Variants in NTAQ1 observed in about 807,000 individuals in gnomAD.
NTAQ1 encodes the protein protein N-terminal glutamine amidohydrolase.
Under a neutral mutation model 28.2 loss-of-function variants are expected in NTAQ1, and 21 were observed. The ratio of observed to expected loss-of-function variants is 0.74; its 90% CI spans 0.53 to 1.07. The LOEUF (loss-of-function observed/expected upper bound fraction) is 1.07, where lower values mean the gene tolerates loss of function less well. NTAQ1 is among the 50% of genes least tolerant of loss of function. The pLI, the probability that NTAQ1 is intolerant of heterozygous loss-of-function variation, is 0.00. For missense variants in NTAQ1, 264 were observed against 256.6 expected (o/e 1.03, Z -0.20); for synonymous variants, 105 against 90.0 (o/e 1.17, Z -0.94).
chr8:123,444,144 C>CTTAATATTCAACA (rs1815182787), downstream of NTAQ1, among the ~76,000 whole-genome samples: 1 of 150,800 alleles, frequency 6.6e-6, no homozygotes, highest in Admixed American at 6.6e-5. Flanking sequence ...AGAAGATTTT[C>CTTAATATTCAACA]TGTATGGAAA....
At chr8:123,439,985 A>G (rs924821359) in intron 5 of NTAQ1, among the ~76,000 whole-genome samples, 1 of 151,524 alleles carries the variant, frequency 6.6e-6, no homozygotes, top group Non-Finnish European at 1.5e-5. Context: ...AAATTAATGC[A>G]TGTTTTAGAT....
chr8:123,465,670 C>T (rs1375355526), intron 6 of NTAQ1, among the ~76,000 whole-genome samples: 1 of 145,476 alleles, frequency 6.9e-6, no homozygotes, highest in African/African-American at 2.5e-5. Context: ...CAAACTTTGC[C>T]TCCTGGGTTC....
At chr8:123,419,003 G>A (rs1051663124) in intron 1 of NTAQ1, among the ~76,000 whole-genome samples, 1 of 151,722 alleles carries the variant, frequency 6.6e-6, no homozygotes, top group African/African-American at 2.4e-5. Flanking sequence ...ATCGCCTCTT[G>A]CTGAGAACCA....
intron 6 of NTAQ1, among the ~76,000 whole-genome samples, chr8:123,460,670 C>A (rs937457837): frequency 6.6e-6 from 1 of 152,106 alleles, no homozygotes; most frequent in African/African-American, 2.4e-5. Context: ...AGAAGACCAG[C>A]GTTTTGCAGT....
At chr8:123,436,371 T>G in intron 3 of NTAQ1, 82 bp from the exon 4 acceptor site, 1 of 1,401,400 alleles carries the variant, frequency 7.1e-7, no homozygotes, top group Non-Finnish European at 9.9e-7. Flanking sequence ...TATATCCTTT[T>G]TAGTGATAAG....
intron 2 of NTAQ1, among the ~76,000 whole-genome samples, chr8:123,428,584 T>TTG (rs1554652020): frequency 9.9e-5 from 15 of 151,748 alleles, no homozygotes; most frequent in South Asian, 2.1e-4. Context: ...ACCTGTTTTT[T>TTG]TTTGTTTGTT....
exon 7 of NTAQ1, among the ~76,000 whole-genome samples, chr8:123,468,401 A>G (rs998921077): frequency 6.6e-6 from 1 of 152,158 alleles, no homozygotes; most frequent in African/African-American, 2.4e-5. Context: ...ACTAACTGCC[A>G]TTCTACTTTC....
At chr8:123,444,698 AC>A (rs1300952145), downstream of NTAQ1, among the ~76,000 whole-genome samples, 4 of 152,172 alleles carry the variant, frequency 2.6e-5, no homozygotes, top group African/African-American at 9.6e-5. Flanking sequence ...TTTAGTGGAG[AC>A]GGGGTTTCAC....
At chr8:123,462,148 C>T (rs777061457) in intron 6 of NTAQ1, among the ~76,000 whole-genome samples, 2 of 152,000 alleles carry the variant, frequency 1.3e-5, no homozygotes, top group African/African-American at 4.8e-5. Flanking sequence ...CAGGTTCAAG[C>T]GATTCTCATG....
chr8:123,442,367 AG>A (rs1406271405), downstream of NTAQ1: 1 of 152,066 alleles, frequency 6.6e-6, no homozygotes, highest in Non-Finnish European at 1.5e-5. Context: ...TGGGAGTCCT[AG>A]GTGGGCGGAT....
At position 123,462,721 on chromosome 8, in the gene NTAQ1, G is replaced by GT. The variant is rs1586971815; in HGVS notation, c.373-4355dup. Among the ~76,000 whole-genome samples, 5 of 152,244 alleles carry GT rather than the reference G, an allele frequency of 3.3e-5. No homozygotes were observed. The East Asian group carries it at 9.7e-4, about 29-fold the overall frequency. ...TGGCCAAAGTGGGATTCATTTGACT[G>GT]TTTGACTCCAGAGCTCATGCATTCA... On this transcript the variant is annotated intron_variant, in intron 6 of 6. Transcript: ENST00000650311.
intron 1 of NTAQ1, among the ~76,000 whole-genome samples, chr8:123,423,316 T>TCC (rs985148110): frequency 7.3e-6 from 1 of 137,800 alleles, no homozygotes; most frequent in Non-Finnish European, 1.7e-5. Context: ...TCTTCTCTTC[T>TCC]TTTTTCTTTC....
chr8:123,423,206 C>T (rs1295234794), intron 1 of NTAQ1, among the ~76,000 whole-genome samples: 1 of 149,612 alleles, frequency 6.7e-6, no homozygotes, highest in Non-Finnish European at 1.5e-5. Context: ...TCCTTCCTTT[C>T]CCTCCCTCCC....
intron 6 of NTAQ1, among the ~76,000 whole-genome samples, chr8:123,454,716 C>A (rs1258373247): frequency 6.6e-6 from 1 of 152,120 alleles, no homozygotes; most frequent in Non-Finnish European, 1.5e-5. Context: ...GACAGAACCC[C>A]AGTGTCACCA....
chr8:123,431,336 T>G (rs1035402659), intron 3 of NTAQ1, among the ~76,000 whole-genome samples: 12 of 15,836 alleles, frequency 7.6e-4, no homozygotes, highest in African/African-American at 2.6e-3. Flanking sequence ...AAACTCCATA[T>G]CAAAAAAAAA....
intron 1 of NTAQ1, among the ~76,000 whole-genome samples, chr8:123,422,480 T>C (rs1813760972): frequency 6.6e-6 from 1 of 152,074 alleles, no homozygotes; most frequent in African/African-American, 2.4e-5. Context: ...TCTCTCTATG[T>C]TGCCCAGGCT....
At chr8:123,423,270 GTCTC>G (rs139195259) in intron 1 of NTAQ1, among the ~76,000 whole-genome samples, 1,449 of 117,504 alleles carry the variant, frequency 0.012, 19 homozygotes, top group African/African-American at 0.045. Flanking sequence ...CTTTCTTTCT[GTCTC>G]TCTCTTTCCT....
downstream of NTAQ1, among the ~76,000 whole-genome samples, chr8:123,445,293 C>T (rs2130352949): frequency 6.6e-6 from 1 of 151,472 alleles, no homozygotes. Flanking sequence ...CAAATGGTAG[C>T]ATCCTAAACA....
chr8:123,422,903 C>G (rs1813794858), intron 1 of NTAQ1, among the ~76,000 whole-genome samples: 1 of 152,096 alleles, frequency 6.6e-6, no homozygotes, highest in Admixed American at 6.6e-5. Context: ...ATAGGGAATC[C>G]TTTCCCCATT....
Sources: allele counts gnomAD v4.1 joint callset (sites outside exome capture counted in the v4.1 genomes callset), GRCh38; gene constraint gnomAD v4.1.1; transcripts MANE v1.5; gene names NCBI Gene and HGNC (gene_info 2026-07-23, HGNC 2026-07-21).